The following SLC29A3 variants were observed in gnomAD, a reference collection of about 807,000 sequenced individuals.
SLC29A3 encodes solute carrier family 29 member 3.
In SLC29A3, 18 loss-of-function variants were observed where a neutral mutation model predicts 25.4. That is an observed-to-expected ratio of 0.71 (90% confidence interval 0.49 to 1.05). SLC29A3 has a LOEUF of 1.05. SLC29A3 is among the 50% of genes least tolerant of loss of function. SLC29A3 has a pLI of 0.00. For missense variants in SLC29A3, 586 were observed against 609.0 expected (o/e 0.96, Z 0.40); for synonymous variants, 258 against 267.1 (o/e 0.97, Z 0.33).
At chr10:71,360,548 G>T (rs1847029852) in intron 5 of SLC29A3, among the ~76,000 whole-genome samples, 1 of 152,330 alleles carries the variant, frequency 6.6e-6, no homozygotes, top group East Asian at 1.9e-4. Context: ...GATGAACAGG[G>T]CAAGTTACTT....
intron 1 of SLC29A3, among the ~76,000 whole-genome samples, chr10:71,321,275 A>G (rs889502989): frequency 2.0e-5 from 3 of 152,318 alleles, no homozygotes; most frequent in Admixed American, 1.3e-4. Flanking sequence ...CTCCTGAAAT[A>G]GTGGATAAGG....
intron 2 of SLC29A3, among the ~76,000 whole-genome samples, chr10:71,340,489 A>T (rs879811580): frequency 6.6e-6 from 1 of 152,140 alleles, no homozygotes; most frequent in Non-Finnish European, 1.5e-5. Flanking sequence ...GCTCATCTCT[A>T]GAAGTGGAGT....
At chr10:71,339,879 C>G (rs1301498831) in intron 2 of SLC29A3, among the ~76,000 whole-genome samples, 1 of 152,150 alleles carries the variant, frequency 6.6e-6, no homozygotes, top group Admixed American at 6.5e-5. Flanking sequence ...CACTTTGTAT[C>G]TGTTGTACTC....
Position 71,321,761 on chromosome 10 carries a change from C to G in SLC29A3, c.2-995C>G, listed in dbSNP as rs884680. Among the ~76,000 whole-genome samples the G allele has an allele frequency of 4.9e-3, 747 of 152,376 alleles. 27 individuals are homozygous for G. The highest frequency in any genetic ancestry group is 0.034 in the Admixed American group (518 of 15,302). ...CCCAAGGCCATGTAGGCAATAGTTG[C>G]TGGCAGCCTAGGCTCTTCCATTTAT... On this transcript the variant is annotated intron_variant, in intron 1 of 5. Transcript: ENST00000373189.
At chr10:71,330,805 A>G (rs1053867521) in intron 2 of SLC29A3, among the ~76,000 whole-genome samples, 11 of 152,070 alleles carry the variant, frequency 7.2e-5, no homozygotes, top group Non-Finnish European at 5.9e-5. Context: ...TAACTCAGCA[A>G]TATTTATTAA....
chr10:71,337,961 C>A (rs1265242241), intron 2 of SLC29A3, among the ~76,000 whole-genome samples: 1 of 152,210 alleles, frequency 6.6e-6, no homozygotes, highest in Non-Finnish European at 1.5e-5. Context: ...GTCAGTGTAG[C>A]AAATGGAAAT....
intron 3 of SLC29A3, among the ~76,000 whole-genome samples, chr10:71,370,601 CAT>C (rs1847204146): frequency 6.6e-6 from 1 of 152,130 alleles, no homozygotes; most frequent in African/African-American, 2.4e-5. Flanking sequence ...GAAGTGCAAT[CAT>C]AGCTCACTGC....
At chr10:71,341,055 G>C (rs1846391606) in intron 2 of SLC29A3, among the ~76,000 whole-genome samples, 1 of 152,198 alleles carries the variant, frequency 6.6e-6, no homozygotes, top group Admixed American at 6.5e-5. Context: ...GGGGAGAGGA[G>C]AGGCGGGCGA....
intron 2 of SLC29A3, among the ~76,000 whole-genome samples, chr10:71,331,584 A>G (rs1564528288): frequency 6.6e-6 from 1 of 152,214 alleles, no homozygotes; most frequent in South Asian, 2.1e-4. Flanking sequence ...AAAGATGCAG[A>G]CAGCTCACTC....
intron 1 of SLC29A3, chr10:71,319,835 C>T (rs1466250990): frequency 6.5e-6 from 1 of 152,994 alleles, no homozygotes; most frequent in Non-Finnish European, 1.5e-5. Context: ...AACCAGCACC[C>T]AGGCTTCCCA....
intron 2 of SLC29A3, among the ~76,000 whole-genome samples, chr10:71,333,638 G>T (rs547855555): frequency 6.6e-6 from 1 of 152,260 alleles, no homozygotes; most frequent in Non-Finnish European, 1.5e-5. Flanking sequence ...ACTGATGCAC[G>T]GGACCCTCTG....
chr10:71,371,604 C>G (rs1047677530), intron 3 of SLC29A3, among the ~76,000 whole-genome samples: 1 of 152,200 alleles, frequency 6.6e-6, no homozygotes, highest in African/African-American at 2.4e-5. Flanking sequence ...GGACAGAGCA[C>G]AGTGCTTAAG....
intron 5 of SLC29A3, among the ~76,000 whole-genome samples, chr10:71,358,033 A>G (rs1463778947): frequency 6.6e-6 from 1 of 152,190 alleles, no homozygotes; most frequent in Non-Finnish European, 1.5e-5. Flanking sequence ...TTTATGATTT[A>G]TGACAATCTG....
chr10:71,346,997 C>T (rs554854164), intron 3 of SLC29A3, among the ~76,000 whole-genome samples: 101 of 152,206 alleles, frequency 6.6e-4, no homozygotes, highest in African/African-American at 2.3e-3. Context: ...AGGGAATTAG[C>T]CCACCCCTGG....
chr10:71,354,729 C>G (rs780678), intron 4 of SLC29A3, among the ~76,000 whole-genome samples: 2 of 151,856 alleles, frequency 1.3e-5, no homozygotes, highest in African/African-American at 4.8e-5. Flanking sequence ...AGGTTCATCC[C>G]GCCAGTCAAC....
At chr10:71,367,548 G>C, downstream of SLC29A3, among the ~76,000 whole-genome samples, 1 of 152,178 alleles carries the variant, frequency 6.6e-6, no homozygotes, top group Non-Finnish European at 1.5e-5. Context: ...CACAGCCTTT[G>C]CAGCAGGCAA....
Position 71,322,892 on chromosome 10 carries a change from C to T in SLC29A3, c.138C>T (p.Pro46=), listed in dbSNP as rs374417695. ...GCCCGCCCCCTGGCCTGCAGAGGCC[C>T]GAGGACCGCTTCTGTGGCACATACA... The part of the protein sequence containing the change: ...LDRPPPGLQR[P]EDRFCGTYII... The change falls in exon 2 of 6, where the codon CCC becomes CCT. Residue 46 remains proline (P), a synonymous_variant. Coordinates refer to ENST00000373189, the MANE Select transcript of SLC29A3 (RefSeq NM_018344.6). 38 of 1,614,236 alleles carry T rather than the reference C, an allele frequency of 2.4e-5. No homozygotes were observed. Among genetic ancestry groups the T allele is most frequent in the Admixed American group, 6.7e-5 (4 of 60,032 alleles).
intron 2 of SLC29A3, among the ~76,000 whole-genome samples, chr10:71,333,690 G>A (rs1277560527): frequency 6.6e-6 from 1 of 152,262 alleles, no homozygotes; most frequent in Non-Finnish European, 1.5e-5. Context: ...AGTAGGTGGG[G>A]TGTTTTCTTG....
At chr10:71,354,010 C>G (rs1846830828) in intron 4 of SLC29A3, among the ~76,000 whole-genome samples, 1 of 152,052 alleles carries the variant, frequency 6.6e-6, no homozygotes, top group South Asian at 2.1e-4. Context: ...GAGTTTAACC[C>G]CAGTTCTTGC....
Sources: gnomAD v4.1 joint callset for allele counts (sites outside exome capture counted in the v4.1 genomes callset) on GRCh38, gnomAD v4.1.1 for gene constraint, MANE v1.5 for transcripts, NCBI Gene and HGNC (gene_info 2026-07-23, HGNC 2026-07-21) for gene names.